TET2: variants seen among roughly 807,000 people sequenced by gnomAD.
The protein encoded by TET2 is methylcytosine dioxygenase TET2.
In TET2, 299 loss-of-function variants were observed where a neutral mutation model predicts 142.9. That is an observed-to-expected ratio of 2.09 (90% CI 1.90 to 2.30). The LOEUF is 2.30. TET2 is among the 30% of genes most tolerant of loss of function. TET2 has a pLI of 0.00. For synonymous variants in TET2, 819 were observed against 849.0 expected (o/e 0.96, Z 0.61); for missense variants, 2,418 against 2,378.0 (o/e 1.02, Z -0.35).
intron 2 of TET2, among the ~76,000 whole-genome samples, chr4:105,195,242 G>A (rs955633766): frequency 8.5e-5 from 13 of 152,134 alleles, no homozygotes; most frequent in Admixed American, 3.3e-4. Flanking sequence ...AGAAATGGAA[G>A]AGTCTTAGTG....
At chr4:105,146,158 G>A (rs1723007228), upstream of TET2, 1 of 152,752 alleles carries the variant, frequency 6.5e-6, no homozygotes, top group Non-Finnish European at 1.5e-5. Flanking sequence ...CCAGAGCGAG[G>A]GCACGTGCGG....
intron 1 of TET2, among the ~76,000 whole-genome samples, chr4:105,187,141 C>T (rs1264003077): frequency 6.6e-6 from 1 of 152,116 alleles, no homozygotes; most frequent in Non-Finnish European, 1.5e-5. Context: ...TCACACCATT[C>T]CAAGAACCAC....
At position 105,190,458 on chromosome 4, in the gene TET2, A is replaced by G; in HGVS notation, c.-94A>G. The G allele has an allele frequency of 1.4e-6, 1 of 702,120 alleles. No individual in the cohort carries two copies. The highest frequency in any genetic ancestry group is 2.6e-6 in the Non-Finnish European group (1 of 384,714). The allele number at this position is 702,120 out of a possible 1,614,324, so 43.5% of individuals were successfully genotyped here. A position where few individuals can be genotyped will look rare whatever the true frequency, so the allele number is the denominator to read the frequency against. ...GGAAGCAGGAGATGGGCTCAGCAGC[A>G]GCCAATAGGACATGATCCAGGAAGA... On this transcript the variant is annotated 5_prime_UTR_variant, in exon 2 of 11. Transcript: ENST00000380013.
At chr4:105,183,777 A>T (rs908195386) in intron 1 of TET2, among the ~76,000 whole-genome samples, 10 of 152,238 alleles carry the variant, frequency 6.6e-5, no homozygotes, top group African/African-American at 2.4e-4. Context: ...CGCAAATACA[A>T]TCACAAATAC....
chr4:105,264,007 A>T (rs1193421904), intron 8 of TET2, among the ~76,000 whole-genome samples: 2 of 151,962 alleles, frequency 1.3e-5, no homozygotes, highest in Non-Finnish European at 2.9e-5. Flanking sequence ...CTCTCGTGGG[A>T]TTAGATTAGT....
chr4:105,243,657 A>G lies in TET2; in HGVS notation c.3682A>G (p.Ile1228Val). 6.4e-7 allele frequency: 1 copy of G among 1,551,496 alleles called. No homozygotes were observed. The highest frequency in any genetic ancestry group is 8.7e-7 in the Non-Finnish European group (1 of 1,146,942). Residue 1228 changes from isoleucine (I) to valine (V), a missense_variant, in exon 6 of 11, where the codon ATT (isoleucine) becomes GTT (valine). By Grantham distance (29) the Ile-to-Val change is conservative (BLOSUM62 3). Coordinates refer to ENST00000380013, the MANE Select transcript of TET2 (RefSeq NM_001127208.3). ...CACCTGTGAGGCTGCAGTGATTGTG[A>G]TTCTCATCCTGGTGTGGGAAGGAAT... ...GHTCEAAVIV[I>V]LILVWEGIPL...
At chr4:105,228,522 T>G (rs1728314945) in intron 2 of TET2, among the ~76,000 whole-genome samples, 1 of 152,104 alleles carries the variant, frequency 6.6e-6, no homozygotes, top group Non-Finnish European at 1.5e-5. Context: ...CAAAATTATG[T>G]GGAATGGATT....
intron 2 of TET2, among the ~76,000 whole-genome samples, chr4:105,231,568 T>C (rs1728504836): frequency 6.6e-6 from 1 of 152,204 alleles, no homozygotes; most frequent in African/African-American, 2.4e-5. Context: ...TTTACTTGAT[T>C]CTCTAGGTTG....
intron 2 of TET2, among the ~76,000 whole-genome samples, chr4:105,208,678 T>C (rs778151021): frequency 1.3e-5 from 2 of 152,022 alleles, no homozygotes; most frequent in Non-Finnish European, 2.9e-5. Flanking sequence ...AAGAGTAAAA[T>C]AGGAGTGGAT....
intron 9 of TET2, among the ~76,000 whole-genome samples, chr4:105,270,333 G>A (rs1429623739): frequency 6.6e-6 from 1 of 152,196 alleles, no homozygotes; most frequent in Non-Finnish European, 1.5e-5. Context: ...ACAAGCACAT[G>A]AGAATCATGG....
At chr4:105,259,848 A>T (rs760320080) in intron 7 of TET2, 79 bp downstream of exon 7, 21 of 1,359,862 alleles carry the variant, frequency 1.5e-5, no homozygotes, top group Non-Finnish European at 2.0e-5. Flanking sequence ...ACAATATGAC[A>T]TATCTTGGTA....
At chr4:105,191,283 G>C (rs1578590212) in intron 2 of TET2, among the ~76,000 whole-genome samples, 1 of 152,160 alleles carries the variant, frequency 6.6e-6, no homozygotes, top group East Asian at 1.9e-4. Context: ...AATTTGCTCT[G>C]AATGCCATGA....
At chr4:105,212,200 T>C (rs1262276798) in intron 2 of TET2, among the ~76,000 whole-genome samples, 2 of 152,210 alleles carry the variant, frequency 1.3e-5, no homozygotes, top group African/African-American at 2.4e-5. Context: ...TCTAGTCAGA[T>C]GGTTGAGAAG....
intron 2 of TET2, among the ~76,000 whole-genome samples, chr4:105,209,504 G>C (rs990368305): frequency 1.6e-4 from 24 of 151,962 alleles, no homozygotes; most frequent in African/African-American, 5.8e-4. Flanking sequence ...ATATAGGTCA[G>C]TGGCTGATGT....
rs1164673384 is a variant in TET2, at chr4:105,213,969, CTGTCTCA to C, written c.-46-19927_-46-19921del. Among the ~76,000 whole-genome samples the C allele has an allele frequency of 5.3e-5, 8 of 152,244 alleles. No homozygotes were observed. The East Asian group carries it at 1.5e-3, about 29-fold the overall frequency. On this transcript the variant is annotated intron_variant, in intron 2 of 10. Coordinates refer to ENST00000380013, the MANE Select transcript of TET2 (RefSeq NM_001127208.3). The stretch of plus-strand genomic sequence containing the variant: ...CTGCTGCTGGGTTCAAGTGATTCTC[CTGTCTCA>C]GACTCCCGAGTAGCTGGGACTATAC...
intron 1 of TET2, among the ~76,000 whole-genome samples, chr4:105,160,900 G>T (rs900631227): frequency 6.6e-6 from 1 of 151,912 alleles, no homozygotes; most frequent in African/African-American, 2.4e-5. Flanking sequence ...CTCAGGCTTC[G>T]GAGTAGCTGG....
At chr4:105,168,804 C>T (rs569916846) in intron 1 of TET2, among the ~76,000 whole-genome samples, 5 of 152,248 alleles carry the variant, frequency 3.3e-5, no homozygotes, top group African/African-American at 9.6e-5. Flanking sequence ...ATCCTCATAG[C>T]GTAGCTCCCA....
chr4:105,254,384 G>T (rs1163331268), intron 6 of TET2, among the ~76,000 whole-genome samples: 1 of 152,134 alleles, frequency 6.6e-6, no homozygotes, highest in Non-Finnish European at 1.5e-5. Flanking sequence ...TATTAAATGT[G>T]TGGGCACATT....
chr4:105,246,142 C>T lies in TET2; in HGVS notation c.3803+2364C>T, dbSNP rs551298758. ...TTCACCATGTTGGCCAGATTGATCT[C>T]GAACTCCTGGCTTCAGGTAACCCAC... On this transcript the variant is annotated intron_variant, in intron 6 of 10. Coordinates refer to ENST00000380013, the MANE Select transcript of TET2 (RefSeq NM_001127208.3). Among the ~76,000 whole-genome samples, 19 of 152,130 alleles carry T rather than the reference C, an allele frequency of 1.2e-4. No homozygotes were observed. In the South Asian group the frequency reaches 1.9e-3, roughly 15 times the overall value.
Sources: gnomAD v4.1 joint callset for allele counts (sites outside exome capture counted in the v4.1 genomes callset) on GRCh38, gnomAD v4.1.1 for gene constraint, MANE v1.5 for transcripts, NCBI Gene and HGNC (gene_info 2026-07-23, HGNC 2026-07-21) for gene names.